Variants in RXFP1 observed in about 807,000 individuals in gnomAD.
The protein encoded by RXFP1 is relaxin family peptide receptor 1.
Under a neutral mutation model 89.8 loss-of-function variants are expected in RXFP1, and 73 were observed. That is an observed-to-expected ratio of 0.81 (90% CI 0.67 to 0.99). The LOEUF (loss-of-function observed/expected upper bound fraction) is 0.99, where lower values mean the gene tolerates loss of function less well. Among genes scored for constraint, RXFP1 ranks in the 50% least tolerant of loss-of-function variants. RXFP1 has a pLI of 0.00. For missense variants in RXFP1, 793 were observed against 895.5 expected (o/e 0.89, Z 1.46); for synonymous variants, 277 against 305.5 (o/e 0.91, Z 0.97).
At chr4:158,566,815 C>G (rs929961307) in intron 1 of RXFP1, among the ~76,000 whole-genome samples, 3 of 152,268 alleles carry the variant, frequency 2.0e-5, no homozygotes, top group African/African-American at 7.2e-5. Flanking sequence ...GCTCTCGGCA[C>G]CCCCTCGCCT....
At chr4:158,563,442 T>G (rs1004882086) in intron 1 of RXFP1, among the ~76,000 whole-genome samples, 3 of 150,762 alleles carry the variant, frequency 2.0e-5, no homozygotes, top group African/African-American at 7.3e-5. Context: ...TTTAATTCAT[T>G]TACTAATGAG....
chr4:158,631,211 A>G (rs1022252423), intron 11 of RXFP1, among the ~76,000 whole-genome samples: 1 of 152,214 alleles, frequency 6.6e-6, no homozygotes, highest in Admixed American at 6.5e-5. Context: ...TGAACAAGAC[A>G]TTTGGAATTT....
intron 1 of RXFP1, among the ~76,000 whole-genome samples, chr4:158,560,160 G>C (rs1334887402): frequency 6.6e-6 from 1 of 152,198 alleles, no homozygotes; most frequent in Non-Finnish European, 1.5e-5. Flanking sequence ...ATCACATAAA[G>C]TATTGTCTAC....
intron 2 of RXFP1, among the ~76,000 whole-genome samples, chr4:158,592,443 G>A (rs925918989): frequency 2.6e-5 from 4 of 151,968 alleles, no homozygotes; most frequent in African/African-American, 4.8e-5. Context: ...GCGTGGTGGC[G>A]GGTGCCTGGA....
Position 158,648,687 on chromosome 4 carries a change from T to C in RXFP1, c.1945T>C (p.Phe649Leu). 1 of 1,604,218 alleles carries C rather than the reference T, an allele frequency of 6.2e-7. No homozygotes were observed. Among genetic ancestry groups the C allele is most frequent in the Non-Finnish European group, 8.5e-7 (1 of 1,174,002 alleles). The change falls in exon 17 of 18, where the codon TTT becomes CTT. Residue 649 changes from phenylalanine (F) to leucine (L), a missense_variant. Phe to Leu is a conservative substitution (Grantham distance 22). Coordinates refer to ENST00000307765, the MANE Select transcript of RXFP1 (RefSeq NM_021634.4). ...LCWIPIFVVK[F>L]LSLLQVEIPG... is the part of the protein sequence containing the mutation. ...CTGGATACCCATTTTTGTAGTGAAA[T>C]TTCTTTCACTGCTTCAGGTAGAAAT...
intron 3 of RXFP1, among the ~76,000 whole-genome samples, chr4:158,595,991 A>G (rs1177521947): frequency 5.9e-5 from 9 of 152,006 alleles, no homozygotes; most frequent in Non-Finnish European, 1.2e-4. Flanking sequence ...CTCTCCAAAA[A>G]AAAAAAAAAA....
intron 9 of RXFP1, among the ~76,000 whole-genome samples, chr4:158,621,505 G>A (rs1305187986): frequency 6.6e-6 from 1 of 152,122 alleles, no homozygotes; most frequent in Non-Finnish European, 1.5e-5. Flanking sequence ...AGTGCATTGA[G>A]TAAAGTTACA....
chr4:158,646,823 G>C lies in RXFP1; in HGVS notation c.1378G>C (p.Val460Leu). The change falls in exon 16 of 18, where the codon GTG (valine) becomes CTG (leucine). Residue 460 changes from valine (V) to leucine (L), a missense_variant. Val to Leu is a conservative substitution (Grantham distance 32, BLOSUM62 1). Transcript: ENST00000307765. ...CTGCTTAATGGGAATATATTTATTC[G>C]TGATCGGAGGCTTTGACCTAAAGTT... is the stretch of plus-strand genomic sequence containing the variant. ...ADCLMGIYLF[V>L]IGGFDLKFRG... is the part of the protein sequence containing the mutation. 1.1e-5 allele frequency: 18 copies of C among 1,613,388 alleles called. No homozygotes were observed. The highest frequency in any genetic ancestry group is 1.4e-5 in the Non-Finnish European group (17 of 1,179,572).
chr4:158,621,227 G>A (rs1198333807), intron 9 of RXFP1, among the ~76,000 whole-genome samples: 3 of 152,148 alleles, frequency 2.0e-5, no homozygotes, highest in South Asian at 2.1e-4. Context: ...TGGGAGGATA[G>A]CGTGAGCCTG....
chr4:158,637,221 C>A (rs1304261398), intron 12 of RXFP1, among the ~76,000 whole-genome samples: 1 of 152,118 alleles, frequency 6.6e-6, no homozygotes, highest in Admixed American at 6.5e-5. Flanking sequence ...ACAGAAATCT[C>A]TTTAATATAC....
At chr4:158,563,375 T>TA (rs1752880946) in intron 1 of RXFP1, among the ~76,000 whole-genome samples, 1 of 152,158 alleles carries the variant, frequency 6.6e-6, no homozygotes, top group East Asian at 1.9e-4. Context: ...GAAGATGAGG[T>TA]AAAATCATGA....
At chr4:158,617,008 G>T in intron 8 of RXFP1, 123 bp from the exon 9 acceptor site, 10 of 585,248 alleles carry the variant, frequency 1.7e-5, no homozygotes, top group Non-Finnish European at 2.3e-5. Flanking sequence ...AAAAAAATTA[G>T]AAGGAAAAAA....
intron 6 of RXFP1, among the ~76,000 whole-genome samples, chr4:158,610,258 C>T (rs1424164605): frequency 6.6e-6 from 1 of 152,040 alleles, no homozygotes; most frequent in East Asian, 1.9e-4. Context: ...GAGTGAGACT[C>T]CATCTCAAAA....
intron 1 of RXFP1, among the ~76,000 whole-genome samples, chr4:158,568,879 C>T (rs1326240258): frequency 6.6e-6 from 1 of 152,058 alleles, no homozygotes; most frequent in Non-Finnish European, 1.5e-5. Flanking sequence ...GATCATTGAC[C>T]CCAAATACAT....
chr4:158,529,244 TTTG>T (rs70962613), intron 1 of RXFP1, among the ~76,000 whole-genome samples: 1,981 of 110,030 alleles, frequency 0.018, 35 homozygotes, highest in African/African-American at 0.071. Context: ...TTGCTTGTTT[TTTG>T]TTGTTGTTGT....
intron 11 of RXFP1, among the ~76,000 whole-genome samples, chr4:158,629,360 T>C (rs1332241581): frequency 6.6e-6 from 1 of 152,214 alleles, no homozygotes; most frequent in African/African-American, 2.4e-5. Context: ...AGGATAATCT[T>C]GTATCCATAA....
chr4:158,547,075 G>T (rs1191087691), intron 1 of RXFP1, among the ~76,000 whole-genome samples: 1 of 152,060 alleles, frequency 6.6e-6, no homozygotes. Context: ...AATCCATCTG[G>T]TCCTGGACTC....
intron 4 of RXFP1, among the ~76,000 whole-genome samples, chr4:158,600,177 C>T (rs915775113): frequency 1.3e-5 from 2 of 152,214 alleles, no homozygotes; most frequent in African/African-American, 2.4e-5. Flanking sequence ...TACCTTAGTG[C>T]CTTGTGGCTC....
At chr4:158,575,438 A>C (rs1392231785) in intron 2 of RXFP1, among the ~76,000 whole-genome samples, 1 of 152,218 alleles carries the variant, frequency 6.6e-6, no homozygotes, top group Non-Finnish European at 1.5e-5. Flanking sequence ...AGCAGAGTAC[A>C]GGTGCTTTGG....
Sources: allele counts gnomAD v4.1 joint callset (sites outside exome capture counted in the v4.1 genomes callset), GRCh38; gene constraint gnomAD v4.1.1; transcripts MANE v1.5; gene names NCBI Gene and HGNC (gene_info 2026-07-23, HGNC 2026-07-21).